The following RABGAP1L variants were observed in gnomAD, a reference collection of about 807,000 sequenced individuals.
RABGAP1L encodes the protein RAB GTPase activating protein 1 like, also known as rab GTPase-activating protein 1-like.
In RABGAP1L, 63 loss-of-function variants were observed where a neutral mutation model predicts 137.7. The ratio of observed to expected loss-of-function variants is 0.46; its 90% CI spans 0.37 to 0.56. The LOEUF is 0.56. RABGAP1L is among the 20% of genes least tolerant of loss of function. The probability of loss-of-function intolerance (pLI) is 0.00; values close to 1 mark genes in which losing one functional copy is unlikely to be tolerated. For missense variants in RABGAP1L, 1,095 were observed against 1,244.0 expected (o/e 0.88, Z 1.80); for synonymous variants, 431 against 433.7 (o/e 0.99, Z 0.08).
At chr1:174,759,283 TAAA>T (rs59159307) in intron 18 of RABGAP1L, among the ~76,000 whole-genome samples, 19 of 130,652 alleles carry the variant, frequency 1.5e-4, no homozygotes, top group South Asian at 2.5e-4. Flanking sequence ...GTAATTTATT[TAAA>T]AAAAAAAAAA....
At chr1:174,611,132 T>A (rs1460332709) in intron 13 of RABGAP1L, among the ~76,000 whole-genome samples, 1 of 148,826 alleles carries the variant, frequency 6.7e-6, no homozygotes, top group Non-Finnish European at 1.5e-5. Context: ...TCCTTGCCCA[T>A]GCCTATGTCC....
rs910963089 is a variant in RABGAP1L at position 174,838,842 on chromosome 1, C to T, written c.2340+26882C>T. ...CTGAGGCGGGAGAATGGCGTGAACCCGGGAGGCGGAGCTTGTAGTGAGCCG... is the reference window on the plus strand; with the variant it reads ...CTGAGGCGGGAGAATGGCGTGAACCTGGGAGGCGGAGCTTGTAGTGAGCCG... On this transcript the variant is annotated intron_variant, in intron 19 of 25. Coordinates refer to ENST00000681986, the MANE Select transcript of RABGAP1L (RefSeq NM_001366446.1). Among the ~76,000 whole-genome samples the T allele has an allele frequency of 3.5e-4, 47 of 133,562 alleles. 1 individual carries two copies. Among genetic ancestry groups the T allele is most frequent in the Non-Finnish European group, 1.1e-4 (7 of 64,400 alleles). The allele number at this position is 133,562 out of a possible 152,430, so 87.6% of individuals were successfully genotyped here.
In RABGAP1L at chr1:174,205,204, A is replaced by G. The variant is rs927640489; in HGVS notation, c.-33-13921A>G. ...GATGTGTTGCCGGATTCGGTTTTCA[A>G]GTATTTTGTTGAGGATTTTTGCGTT... On this transcript the variant is annotated intron_variant, in intron 1 of 25. Transcript: ENST00000681986. Among the ~76,000 whole-genome samples, 8 of 152,240 alleles carry G rather than the reference A, an allele frequency of 5.3e-5. 2 individuals carry two copies. The highest frequency in any genetic ancestry group is 5.2e-4 in the Admixed American group (8 of 15,298).
At chr1:174,690,861 C>A (rs1422237887) in intron 15 of RABGAP1L, among the ~76,000 whole-genome samples, 4 of 125,596 alleles carry the variant, frequency 3.2e-5, no homozygotes, top group Non-Finnish European at 4.8e-5. Context: ...GAGACATGGT[C>A]TCGCTCTATG....
At chr1:174,492,867 TC>T (rs1660396022) in intron 13 of RABGAP1L, among the ~76,000 whole-genome samples, 1 of 152,020 alleles carries the variant, frequency 6.6e-6, no homozygotes, top group South Asian at 2.1e-4. Context: ...TGCCTTTCCT[TC>T]CCCTCTTCCA....
intron 13 of RABGAP1L, among the ~76,000 whole-genome samples, chr1:174,514,830 G>T (rs984663802): frequency 6.6e-6 from 1 of 152,240 alleles, no homozygotes; most frequent in Admixed American, 6.6e-5. Flanking sequence ...TCAGTCTGTT[G>T]CAGTACTTCT....
At chr1:174,973,173 C>T (rs1461781292) in intron 21 of RABGAP1L, among the ~76,000 whole-genome samples, 2 of 152,044 alleles carry the variant, frequency 1.3e-5, no homozygotes, top group African/African-American at 2.4e-5. Flanking sequence ...TGGACTCTTC[C>T]CTATAGGACC....
At chr1:174,733,126 C>G (rs894636796) in intron 17 of RABGAP1L, among the ~76,000 whole-genome samples, 1 of 152,144 alleles carries the variant, frequency 6.6e-6, no homozygotes, top group Non-Finnish European at 1.5e-5. Context: ...CCGAGTCTGT[C>G]TCATAACCAC....
intron 14 of RABGAP1L, among the ~76,000 whole-genome samples, chr1:174,649,748 G>T (rs1032906770): frequency 6.6e-6 from 1 of 152,142 alleles, no homozygotes; most frequent in Non-Finnish European, 1.5e-5. Flanking sequence ...GAGACAATGG[G>T]TTTTTCTAGA....
At chr1:174,680,662 G>A (rs1378925699) in intron 14 of RABGAP1L, among the ~76,000 whole-genome samples, 1 of 152,110 alleles carries the variant, frequency 6.6e-6, no homozygotes, top group East Asian at 1.9e-4. Flanking sequence ...TTGGAAGGCT[G>A]AGGTGGGCGG....
chr1:174,505,653 T>C (rs944483736), intron 13 of RABGAP1L, among the ~76,000 whole-genome samples: 3 of 151,980 alleles, frequency 2.0e-5, no homozygotes, highest in Admixed American at 6.6e-5. Flanking sequence ...AAAAGATAAG[T>C]GTCAATGAGG....
intron 13 of RABGAP1L, among the ~76,000 whole-genome samples, chr1:174,407,687 C>T (rs947042411): frequency 5.9e-5 from 9 of 152,096 alleles, no homozygotes; most frequent in Admixed American, 4.6e-4. Context: ...AGTGGACATC[C>T]GCAGCTGCAG....
chr1:174,370,463 CT>C (rs1183875194), intron 11 of RABGAP1L, among the ~76,000 whole-genome samples: 1,197 of 37,826 alleles, frequency 0.032, 13 homozygotes, highest in African/African-American at 0.084. Flanking sequence ...TTAAAAATAC[CT>C]TTTTTTTTTT....
intron 14 of RABGAP1L, among the ~76,000 whole-genome samples, chr1:174,658,131 A>T (rs1212208638): frequency 3.9e-5 from 6 of 152,194 alleles, no homozygotes; most frequent in Non-Finnish European, 8.8e-5. Context: ...TAAAAACGCC[A>T]CAAAGCTCCC....
At chr1:174,956,362 G>A (rs969927939) in intron 19 of RABGAP1L, among the ~76,000 whole-genome samples, 5 of 152,212 alleles carry the variant, frequency 3.3e-5, no homozygotes, top group South Asian at 2.1e-4. Context: ...TGTCCCCTAA[G>A]AGAGGTTAAA....
intron 7 of RABGAP1L, among the ~76,000 whole-genome samples, chr1:174,254,540 A>G (rs1372565529): frequency 6.6e-6 from 1 of 152,024 alleles, no homozygotes; most frequent in Non-Finnish European, 1.5e-5. Context: ...CCTTGTGTCC[A>G]TGTGTTCTCA....
chr1:174,386,819 A>G (rs2016525), intron 12 of RABGAP1L, among the ~76,000 whole-genome samples: 2,564 of 152,184 alleles, frequency 0.017, 28 homozygotes, highest in Non-Finnish European at 0.026. Context: ...ATTAGTTTTT[A>G]TAAGAGCATG....
At chr1:174,650,488 A>G (rs1193606629) in intron 14 of RABGAP1L, among the ~76,000 whole-genome samples, 1 of 150,944 alleles carries the variant, frequency 6.6e-6, no homozygotes, top group South Asian at 2.1e-4. Flanking sequence ...TTGGTAAGCT[A>G]TTGATTATTG....
At chr1:174,616,741 G>C (rs1422020259) in intron 13 of RABGAP1L, among the ~76,000 whole-genome samples, 1 of 152,230 alleles carries the variant, frequency 6.6e-6, no homozygotes, top group Non-Finnish European at 1.5e-5. Context: ...ATTCTGAATT[G>C]AGTTTTATAC....
Sources: allele counts gnomAD v4.1 joint callset (sites outside exome capture counted in the v4.1 genomes callset), GRCh38; gene constraint gnomAD v4.1.1; transcripts MANE v1.5; gene names NCBI Gene and HGNC (gene_info 2026-07-23, HGNC 2026-07-21).